The following SGCZ variants were observed in gnomAD, a reference collection of about 807,000 sequenced individuals.
SGCZ encodes sarcoglycan zeta.
In SGCZ, 40 loss-of-function variants were observed where a neutral mutation model predicts 41.3. The observed-to-expected ratio is 0.97, with a 90% confidence interval of 0.75 to 1.26. The LOEUF (loss-of-function observed/expected upper bound fraction) is 1.26, where lower values mean the gene tolerates loss of function less well. Ranked by LOEUF, SGCZ falls within the 50% of genes most tolerant of loss-of-function variation. The probability of loss-of-function intolerance (pLI) is 0.00; values close to 1 mark genes in which losing one functional copy is unlikely to be tolerated. For synonymous variants in SGCZ, 206 were observed against 137.5 expected, an observed-to-expected ratio of 1.50 and a Z score of -3.49; for missense variants, 552 against 369.8, an observed-to-expected ratio of 1.49 and a Z score of -4.04.
At chr8:15,061,039 T>C (rs1278018079) in intron 1 of SGCZ, among the ~76,000 whole-genome samples, 1 of 152,178 alleles carries the variant, frequency 6.6e-6, no homozygotes, top group Admixed American at 6.5e-5. Context: ...ACATTTCTAC[T>C]GGCTATGATT....
At chr8:14,775,631 C>T (rs1800380449) in intron 1 of SGCZ, among the ~76,000 whole-genome samples, 1 of 151,954 alleles carries the variant, frequency 6.6e-6, no homozygotes, top group Non-Finnish European at 1.5e-5. Flanking sequence ...ATATGAGGTA[C>T]ATGAGTATAT....
Position 14,479,725 on chromosome 8 carries a change from C to CTATT in SGCZ, c.234+75006_234+75007insAATA, listed in dbSNP as rs1801469250. Among the ~76,000 whole-genome samples the CTATT allele has an allele frequency of 3.5e-5, 3 of 86,600 alleles. 1 individual carries two copies. Among genetic ancestry groups the CTATT allele is most frequent in the African/African-American group, 1.4e-4 (3 of 21,064 alleles). 56.8% of individuals were successfully genotyped at this position (86,600 alleles called of 152,430 possible). ...CCCCAGGTCGCATACCTCCAGAATT[C>CTATT]TACTTCTTTTTTTTTTTTTTTTTTT... On this transcript the variant is annotated intron_variant, in intron 2 of 7. Transcript: ENST00000382080.
At chr8:14,463,639 A>G (rs957563176) in intron 2 of SGCZ, among the ~76,000 whole-genome samples, 1 of 151,616 alleles carries the variant, frequency 6.6e-6, no homozygotes, top group East Asian at 1.9e-4. Flanking sequence ...ACACAGACAA[A>G]CTGTATTTTG....
chr8:14,917,029 C>T (rs1799458687), intron 1 of SGCZ, among the ~76,000 whole-genome samples: 4 of 151,972 alleles, frequency 2.6e-5, no homozygotes, highest in Admixed American at 2.6e-4. Flanking sequence ...TAGAAACAGT[C>T]ACAGCTTTTC....
At chr8:14,233,229 A>G (rs1806635677) in intron 4 of SGCZ, among the ~76,000 whole-genome samples, 1 of 151,996 alleles carries the variant, frequency 6.6e-6, no homozygotes, top group African/African-American at 2.4e-5. Context: ...AAAATAAAAT[A>G]TTAGTTTTTA....
intron 2 of SGCZ, among the ~76,000 whole-genome samples, chr8:14,378,478 C>A (rs1304853600): frequency 1.3e-5 from 2 of 152,124 alleles, no homozygotes; most frequent in African/African-American, 4.8e-5. Context: ...AAACTACCAT[C>A]AGAGTAAACA....
At chr8:14,991,862 A>C (rs1190368695) in intron 1 of SGCZ, among the ~76,000 whole-genome samples, 1 of 149,426 alleles carries the variant, frequency 6.7e-6, no homozygotes, top group Non-Finnish European at 1.5e-5. Context: ...CCCCAAAACT[A>C]GTGTTATCCT....
chr8:14,514,962 C>T (rs1344590922), intron 2 of SGCZ, among the ~76,000 whole-genome samples: 1 of 151,716 alleles, frequency 6.6e-6, no homozygotes, highest in African/African-American at 2.4e-5. Flanking sequence ...GAACAGCATC[C>T]AATTCCGATT....
intron 4 of SGCZ, among the ~76,000 whole-genome samples, chr8:14,236,703 C>G (rs183951982): frequency 2.0e-5 from 3 of 151,478 alleles, no homozygotes; most frequent in Admixed American, 2.0e-4. Context: ...TAGAGATAAA[C>G]AGATATGTAA....
chr8:14,791,315 T>C (rs908681463), intron 1 of SGCZ, among the ~76,000 whole-genome samples: 6 of 152,118 alleles, frequency 3.9e-5, no homozygotes, highest in African/African-American at 7.2e-5. Context: ...TGAGCACATA[T>C]GCATCCCGTT....
intron 3 of SGCZ, among the ~76,000 whole-genome samples, chr8:14,253,013 C>T (rs998478101): frequency 6.6e-6 from 1 of 152,000 alleles, no homozygotes; most frequent in South Asian, 2.1e-4. Context: ...CTGGATGCGA[C>T]GTCCTCATTA....
At chr8:15,149,263 C>T (rs896232545) in intron 1 of SGCZ, among the ~76,000 whole-genome samples, 1 of 152,088 alleles carries the variant, frequency 6.6e-6, no homozygotes, top group Non-Finnish European at 1.5e-5. Context: ...GGGAAAGGGA[C>T]AGGGCTGAAA....
intron 1 of SGCZ, among the ~76,000 whole-genome samples, chr8:14,727,668 G>T (rs1485421337): frequency 1.3e-5 from 2 of 151,736 alleles, no homozygotes; most frequent in Non-Finnish European, 2.9e-5. Context: ...CCTCCACCAC[G>T]CCCGGCTAAT....
chr8:14,432,627 C>T (rs1453983788), intron 2 of SGCZ, among the ~76,000 whole-genome samples: 2 of 152,124 alleles, frequency 1.3e-5, no homozygotes, highest in African/African-American at 4.8e-5. Flanking sequence ...TACTAAAGAA[C>T]TTACAGCAGG....
At chr8:14,115,294 A>G (rs892515189) in intron 5 of SGCZ, among the ~76,000 whole-genome samples, 4 of 152,008 alleles carry the variant, frequency 2.6e-5, no homozygotes, top group African/African-American at 9.7e-5. Flanking sequence ...CATAATCTCT[A>G]TGGGTATGCA....
At chr8:14,563,261 T>G (rs1391761896) in intron 1 of SGCZ, among the ~76,000 whole-genome samples, 1 of 152,132 alleles carries the variant, frequency 6.6e-6, no homozygotes, top group Non-Finnish European at 1.5e-5. Context: ...ACTCCAAGAG[T>G]CTTTCCATTC....
At chr8:15,193,668 A>T (rs896074514) in intron 1 of SGCZ, among the ~76,000 whole-genome samples, 1 of 151,278 alleles carries the variant, frequency 6.6e-6, no homozygotes, top group Non-Finnish European at 1.5e-5. Flanking sequence ...TACAACTGCA[A>T]TTTCTTACAA....
At chr8:14,179,393 G>A (rs527575872) in intron 4 of SGCZ, among the ~76,000 whole-genome samples, 9 of 152,288 alleles carry the variant, frequency 5.9e-5, no homozygotes, top group South Asian at 2.1e-4. Flanking sequence ...TTTAGCAGAA[G>A]ATTCACAAGA....
At chr8:14,780,037 T>C (rs887729984) in intron 1 of SGCZ, among the ~76,000 whole-genome samples, 12 of 152,132 alleles carry the variant, frequency 7.9e-5, no homozygotes, top group African/African-American at 2.9e-4. Flanking sequence ...TCCCTTAAGA[T>C]GTACCCTGTT....
Sources: gnomAD v4.1 joint callset for allele counts (sites outside exome capture counted in the v4.1 genomes callset) on GRCh38, gnomAD v4.1.1 for gene constraint, MANE v1.5 for transcripts, NCBI Gene and HGNC (gene_info 2026-07-23, HGNC 2026-07-21) for gene names.